DNAH17: variants seen among roughly 807,000 people sequenced by gnomAD.
DNAH17 encodes axonemal beta dynein heavy chain 17.
In DNAH17, 376 loss-of-function variants were observed where a neutral mutation model predicts 485.6. The observed-to-expected ratio is 0.77, with a 90% CI of 0.71 to 0.84. The LOEUF (loss-of-function observed/expected upper bound fraction) is 0.84. DNAH17 is among the 40% of genes least tolerant of loss of function. The pLI is 0.00. For missense variants in DNAH17, 6,370 were observed against 5,839.3 expected, an observed-to-expected ratio of 1.09 and a Z score of -2.96; for synonymous variants, 3,031 against 2,405.9, an observed-to-expected ratio of 1.26 and a Z score of -7.60.
At chr17:78,525,679 C>T (rs189211375) in intron 24 of DNAH17, among the ~76,000 whole-genome samples, 22 of 152,314 alleles carry the variant, frequency 1.4e-4, no homozygotes, top group Non-Finnish European at 2.9e-4. Flanking sequence ...CGTGTGCACA[C>T]ACATGGACAC....
At chr17:78,551,218 G>A (rs368958408) in intron 16 of DNAH17, among the ~76,000 whole-genome samples, 2 of 152,220 alleles carry the variant, frequency 1.3e-5, no homozygotes, top group African/African-American at 4.8e-5. Flanking sequence ...CTTCTGTACT[G>A]AGCAACGGGC....
intron 73 of DNAH17, among the ~76,000 whole-genome samples, 189 bp downstream of exon 73, chr17:78,438,901 G>A (rs1048697310): frequency 6.6e-6 from 1 of 152,136 alleles, no homozygotes; most frequent in South Asian, 2.1e-4. Context: ...GTCATGGCGT[G>A]CCACACCACC....
At chr17:78,497,889 T>A (rs2090130366) in intron 37 of DNAH17, among the ~76,000 whole-genome samples, 1 of 152,114 alleles carries the variant, frequency 6.6e-6, no homozygotes, top group African/African-American at 2.4e-5. Context: ...ACGCCTGTAA[T>A]CCCAGCAGTT....
Position 78,450,210 on chromosome 17 carries a change from GC to G in DNAH17, c.11040+43del, listed in dbSNP as rs748096578. 1.9e-6 allele frequency: 3 copies of G among 1,609,406 alleles called. No individual in the cohort carries two copies. The South Asian group carries it at 3.3e-5, about 18-fold the overall frequency. ...GGCCTGGCTGTGGAGCCCAGATGCA[GC>G]CCCACCTTGAGGGAGGCACCCAGCC... On this transcript the variant is annotated intron_variant, in intron 68 of 80. Coordinates refer to ENST00000389840, the MANE Select transcript of DNAH17 (RefSeq NM_173628.4).
At position 78,451,686 on chromosome 17, in the gene DNAH17, G is replaced by A. The variant is rs780911090; in HGVS notation, c.10530-13C>T. On this transcript the variant is annotated splice_polypyrimidine_tract_variant and intron_variant, in intron 65 of 80. Coordinates refer to ENST00000389840, the MANE Select transcript of DNAH17 (RefSeq NM_173628.4). ...GATCTTAATGTACCTGGCGGTTGGTGGAGGAAAGGGTTAGTGGGCCTCCCA... is the reference window on the plus strand; with the variant it reads ...GATCTTAATGTACCTGGCGGTTGGTAGAGGAAAGGGTTAGTGGGCCTCCCA... The A allele has an allele frequency of 1.9e-6, 3 of 1,548,686 alleles. No homozygotes were observed. Among genetic ancestry groups the A allele is most frequent in the Non-Finnish European group, 2.6e-6 (3 of 1,146,666 alleles).
intron 37 of DNAH17, among the ~76,000 whole-genome samples, chr17:78,498,313 G>C (rs1416165595): frequency 6.6e-6 from 1 of 152,194 alleles, no homozygotes; most frequent in Non-Finnish European, 1.5e-5. Context: ...CCAACGCCCT[G>C]ACTTGCATTT....
chr17:78,426,532 A>G lies in DNAH17; in HGVS notation c.12840T>C (p.Asp4280=), dbSNP rs1187600013. The change falls in exon 79 of 81, where the codon GAT becomes GAC. Residue 4280 remains aspartate, a synonymous_variant. Transcript: ENST00000389840. ...STALFYDTVP[D]TWVARAYPSM... Reference sequence around the variant, plus strand: ...AGGGGTAGGCCCGGGCCACCCACGTATCAGGCACGGTGTCATAGAAGAGAG... The same window carrying G: ...AGGGGTAGGCCCGGGCCACCCACGTGTCAGGCACGGTGTCATAGAAGAGAG... 5 of 1,613,570 alleles carry G rather than the reference A, an allele frequency of 3.1e-6. No individual in the cohort carries two copies. The highest frequency in any genetic ancestry group is 4.2e-6 in the Non-Finnish European group (5 of 1,179,754).
At chr17:78,451,894 C>T (rs906694495) in intron 65 of DNAH17, among the ~76,000 whole-genome samples, 3 of 152,124 alleles carry the variant, frequency 2.0e-5, no homozygotes, top group Non-Finnish European at 4.4e-5. Context: ...CTTGGGTGAT[C>T]AGGCTCATCT....
chr17:78,557,461 T>C (rs1410869819), intron 14 of DNAH17, among the ~76,000 whole-genome samples: 1 of 151,528 alleles, frequency 6.6e-6, no homozygotes. Context: ...CTACTAAAAA[T>C]ACAAAAATTA....
chr17:78,496,112 A>G (rs2090061331), intron 37 of DNAH17, 80 bp from the exon 38 acceptor site: 1 of 1,467,438 alleles, frequency 6.8e-7, no homozygotes, highest in African/African-American at 1.4e-5. Context: ...CATATGTTAA[A>G]GCATGAGGCT....
At position 78,472,252 on chromosome 17, in the gene DNAH17, G is replaced by GAGGGTT. The variant is rs148275927; in HGVS notation, c.8511+3020_8511+3025dup. Among the ~76,000 whole-genome samples, 17 of 147,020 alleles carry GAGGGTT rather than the reference G, an allele frequency of 1.2e-4. No individual in the cohort carries two copies. In the East Asian group the frequency reaches 1.2e-3, roughly 10 times the overall value. On this transcript the variant is annotated intron_variant, in intron 54 of 80. Coordinates refer to ENST00000389840, the MANE Select transcript of DNAH17 (RefSeq NM_173628.4). The stretch of plus-strand genomic sequence containing the variant: ...CATTAGGGTTATGGAGTAGGGGTGC[G>GAGGGTT]AGGGTTAGGGTTAGGGAGTAGGGGT...
chr17:78,547,337 A>C (rs1306533078), intron 16 of DNAH17, among the ~76,000 whole-genome samples: 2 of 152,322 alleles, frequency 1.3e-5, no homozygotes, highest in African/African-American at 4.8e-5. Flanking sequence ...AATTGTCAGG[A>C]GTCTTTCTCA....
chr17:78,537,191 G>GA, intron 19 of DNAH17, 108 bp downstream of exon 19: 2 of 1,175,412 alleles, frequency 1.7e-6, no homozygotes, highest in Admixed American at 2.9e-5. Context: ...AAAAAAAAAA[G>GA]AAAAAAAGAA....
chr17:78,459,849 G>A lies in DNAH17; in HGVS notation c.9588C>T (p.Thr3196=). Reference sequence around the variant, plus strand: ...CGAACTTCTTCAGGGAGTCTAGGAAGGTGTCCACCTTGCCCATCATGATCT... The same window carrying A: ...CGAACTTCTTCAGGGAGTCTAGGAAAGTGTCCACCTTGCCCATCATGATCT... ...AAKIMMGKVD[T]FLDSLKKFDK... is the part of the protein sequence containing the mutation. Residue 3196 remains threonine (T), a synonymous_variant, in exon 60 of 81, where the codon ACC becomes ACT. Coordinates refer to ENST00000389840, the MANE Select transcript of DNAH17 (RefSeq NM_173628.4). The A allele has an allele frequency of 1.9e-6, 3 of 1,614,062 alleles. No individual in the cohort carries two copies. Among genetic ancestry groups the A allele is most frequent in the Non-Finnish European group, 2.5e-6 (3 of 1,179,902 alleles).
intron 48 of DNAH17, 129 bp downstream of exon 48, chr17:78,484,739 A>AGCC: frequency 2.9e-6 from 1 of 347,798 alleles, no homozygotes; most frequent in Non-Finnish European, 4.6e-6. Context: ...ACGTTGCAGC[A>AGCC]CCCCCCCCAC....
At chr17:78,452,665 G>A (rs921428275) in intron 65 of DNAH17, among the ~76,000 whole-genome samples, 16 of 152,222 alleles carry the variant, frequency 1.1e-4, no homozygotes, top group African/African-American at 3.1e-4. Context: ...TTGAACCCAG[G>A]AGGCAGAGGC....
rs773423744 is a variant in DNAH17, at chr17:78,571,757, G to C, written c.565C>G (p.Leu189Val). The C allele has an allele frequency of 1.2e-6, 2 of 1,602,664 alleles. No individual in the cohort carries two copies. The highest frequency in any genetic ancestry group is 8.5e-7 in the Non-Finnish European group (1 of 1,173,912). The change falls in exon 4 of 81, where the codon CTC becomes GTC. Residue 189 changes from leucine to valine, a missense_variant. Physicochemically the swap from Leu to Val is conservative, Grantham distance 32. Coordinates refer to ENST00000389840, the MANE Select transcript of DNAH17 (RefSeq NM_173628.4). Reference sequence around the variant, plus strand: ...ATGGTGGTTTCAATGGCGTGCAGGAGCAAGTTGTCCAGTGAAGAGGGGATC... The same window carrying C: ...ATGGTGGTTTCAATGGCGTGCAGGACCAAGTTGTCCAGTGAAGAGGGGATC... ...ERIPSSLDNL[L>V]LHAIETTIID...
chr17:78,458,749 A>T, intron 61 of DNAH17, 69 bp from the exon 62 acceptor site: 1 of 1,393,926 alleles, frequency 7.2e-7, no homozygotes, highest in Admixed American at 1.7e-5. Context: ...CAGCGGCAGC[A>T]GGGCTGGGCC....
In DNAH17 at chr17:78,504,894, CTTTTTTTTTTTT is replaced by C. The variant is rs66596656; in HGVS notation, c.4956+387_4956+398del. On this transcript the variant is annotated intron_variant, in intron 31 of 80. Transcript: ENST00000389840. ...AAAGGATTCAATGATATTAACAGGG[CTTTTTTTTTTTT>C]TTTTTTTTTTTTTTTTTGAGACGGA... 4.8e-3 allele frequency among the ~76,000 whole-genome samples: 284 copies of C among 58,994 alleles called. 1 individual carries two copies. Among genetic ancestry groups the C allele is most frequent in the African/African-American group, 0.018 (260 of 14,248 alleles). 38.7% of individuals were successfully genotyped at this position (58,994 alleles called of 152,430 possible).
Sources: allele counts gnomAD v4.1 joint callset (sites outside exome capture counted in the v4.1 genomes callset), GRCh38; gene constraint gnomAD v4.1.1; transcripts MANE v1.5; gene names NCBI Gene and HGNC (gene_info 2026-07-23, HGNC 2026-07-21).